SOX5: variants seen among roughly 807,000 people sequenced by gnomAD.
SOX5 encodes SRY-box transcription factor 5.
A neutral mutation model predicts 92.0 loss-of-function variants in SOX5; 9 were observed. The ratio of observed to expected loss-of-function variants is 0.10; its 90% CI spans 0.06 to 0.17. SOX5 has a LOEUF of 0.17. Among genes scored for constraint, SOX5 ranks in the 10% least tolerant of loss-of-function variants. The pLI is 1.00. For synonymous variants in SOX5, 344 were observed against 336.3 expected (o/e 1.02, Z -0.25); for missense variants, 642 against 944.5 (o/e 0.68, Z 4.20).
chr12:24,401,708 T>TAAAAAAAAAAAAAAAAA (rs71063321), intron 1 of SOX5, among the ~76,000 whole-genome samples: 6 of 99,462 alleles, frequency 6.0e-5, no homozygotes, highest in African/African-American at 2.4e-4. Context: ...ACCCTATCTT[T>TAAAAAAAAAAAAAAAAA]AAAAAAAAAA....
chr12:23,972,200 G>A (rs868690672), intron 4 of SOX5, among the ~76,000 whole-genome samples: 8 of 152,236 alleles, frequency 5.3e-5, no homozygotes, highest in Middle Eastern at 3.4e-3. Context: ...TGATATCAGC[G>A]TTACTTCAAG....
chr12:24,445,991 G>A (rs2137253601), intron 1 of SOX5, among the ~76,000 whole-genome samples: 1 of 152,130 alleles, frequency 6.6e-6, no homozygotes, highest in East Asian at 1.9e-4. Flanking sequence ...ACGACACAAG[G>A]GCCAACACAT....
chr12:24,161,391 C>T (rs1182176088), intron 4 of SOX5, among the ~76,000 whole-genome samples: 1 of 152,088 alleles, frequency 6.6e-6, no homozygotes, highest in Non-Finnish European at 1.5e-5. Context: ...CCATGTTTCA[C>T]AGATCAGCTT....
chr12:24,552,205 C>T (rs1953263025), intron 1 of SOX5, among the ~76,000 whole-genome samples: 1 of 152,060 alleles, frequency 6.6e-6, no homozygotes, highest in Non-Finnish European at 1.5e-5. Flanking sequence ...CTCCTAAAAC[C>T]ACATTATCAA....
intron 2 of SOX5, among the ~76,000 whole-genome samples, chr12:24,328,033 G>A (rs1433510636): frequency 1.3e-5 from 2 of 152,028 alleles, no homozygotes; most frequent in Non-Finnish European, 2.9e-5. Flanking sequence ...ACTAGAACTC[G>A]GATCCTCTAA....
chr12:24,327,598 T>G (rs1278312768), intron 2 of SOX5, among the ~76,000 whole-genome samples: 2 of 151,456 alleles, frequency 1.3e-5, no homozygotes, highest in East Asian at 3.9e-4. Context: ...ATTTTTATTT[T>G]TTTTAGACAG....
At chr12:23,838,478 A>T (rs1481719867) in intron 3 of SOX5, among the ~76,000 whole-genome samples, 1 of 151,994 alleles carries the variant, frequency 6.6e-6, no homozygotes, top group Non-Finnish European at 1.5e-5. Context: ...TGTAAACATC[A>T]ATGCATCTTA....
intron 4 of SOX5, among the ~76,000 whole-genome samples, chr12:24,071,833 G>C (rs1174195678): frequency 6.6e-6 from 1 of 152,186 alleles, no homozygotes; most frequent in East Asian, 1.9e-4. Context: ...GCTTGAGGAG[G>C]GGTAGATTAT....
At chr12:24,178,632 G>A (rs1955107975) in intron 4 of SOX5, among the ~76,000 whole-genome samples, 1 of 152,080 alleles carries the variant, frequency 6.6e-6, no homozygotes, top group Non-Finnish European at 1.5e-5. Flanking sequence ...TGGCCCTTTG[G>A]TTAAAAACCC....
At chr12:24,449,408 T>C (rs930550961) in intron 1 of SOX5, among the ~76,000 whole-genome samples, 1 of 152,234 alleles carries the variant, frequency 6.6e-6, no homozygotes, top group Non-Finnish European at 1.5e-5. Flanking sequence ...GCCTAATATG[T>C]TCTCCCCATG....
intron 7 of SOX5, among the ~76,000 whole-genome samples, chr12:23,664,195 T>C (rs1177477429): frequency 6.6e-6 from 1 of 152,088 alleles, no homozygotes; most frequent in Non-Finnish European, 1.5e-5. Context: ...AAATCCCCAA[T>C]GTGAGAATTT....
At chr12:23,814,796 T>C (rs1417311588) in intron 3 of SOX5, among the ~76,000 whole-genome samples, 1 of 152,198 alleles carries the variant, frequency 6.6e-6, no homozygotes, top group Non-Finnish European at 1.5e-5. Context: ...TTTTAATATA[T>C]AGGAAAAGGT....
chr12:23,609,946 T>A (rs947058605), intron 8 of SOX5, among the ~76,000 whole-genome samples: 2 of 152,182 alleles, frequency 1.3e-5, no homozygotes, highest in African/African-American at 4.8e-5. Context: ...GGCTGGCAGT[T>A]CATTAACAGG....
intron 4 of SOX5, among the ~76,000 whole-genome samples, chr12:24,201,391 C>A (rs1175065244): frequency 2.0e-5 from 3 of 151,978 alleles, no homozygotes; most frequent in Non-Finnish European, 2.9e-5. Context: ...ACAAACATTT[C>A]ATGTACTTCT....
chr12:23,866,407 A>C (rs906770642), intron 2 of SOX5, among the ~76,000 whole-genome samples: 5 of 152,208 alleles, frequency 3.3e-5, no homozygotes, highest in Admixed American at 2.6e-4. Context: ...AGTGCCCAAA[A>C]CAGCTCTGTG....
intron 3 of SOX5, among the ~76,000 whole-genome samples, chr12:24,269,693 T>C (rs1204345390): frequency 1.3e-5 from 2 of 148,182 alleles, no homozygotes; most frequent in Non-Finnish European, 3.0e-5. Context: ...TTATTCTTTT[T>C]TTTTTTTTTT....
At chr12:24,358,062 C>T (rs56947186) in intron 2 of SOX5, among the ~76,000 whole-genome samples, 6,771 of 152,124 alleles carry the variant, frequency 0.045, 575 homozygotes, top group East Asian at 0.4. Flanking sequence ...TGGCACGTAA[C>T]GGGCATCCAA....
intron 2 of SOX5, among the ~76,000 whole-genome samples, chr12:24,363,590 T>G (rs1955838485): frequency 6.6e-6 from 1 of 152,180 alleles, no homozygotes; most frequent in Non-Finnish European, 1.5e-5. Context: ...ATTTATAAAG[T>G]GCCTATTGTG....
intron 4 of SOX5, among the ~76,000 whole-genome samples, chr12:24,156,777 A>AT (rs562743899): frequency 1.5e-3 from 225 of 152,324 alleles, no homozygotes; most frequent in Middle Eastern, 0.01. Context: ...AAATATAGGA[A>AT]TTTTAAAGGT....
Sources: gnomAD v4.1 joint callset for allele counts (sites outside exome capture counted in the v4.1 genomes callset) on GRCh38, gnomAD v4.1.1 for gene constraint, MANE v1.5 for transcripts, NCBI Gene and HGNC (gene_info 2026-07-23, HGNC 2026-07-21) for gene names.